CCDC141: variants seen among roughly 807,000 people sequenced by gnomAD.
CCDC141 encodes the protein coiled-coil domain-containing protein 141.
In CCDC141, 168 loss-of-function variants were observed where a neutral mutation model predicts 181.0. The observed-to-expected ratio is 0.93, with a 90% CI of 0.82 to 1.05. The LOEUF (loss-of-function observed/expected upper bound fraction) is 1.05, where lower values mean the gene tolerates loss of function less well. Ranked by LOEUF, CCDC141 falls within the 50% of genes least tolerant of loss-of-function variation. CCDC141 has a pLI of 0.00. For synonymous variants in CCDC141, 666 were observed against 642.3 expected (o/e 1.04, Z -0.56); for missense variants, 1,902 against 1,788.5 (o/e 1.06, Z -1.14).
intron 7 of CCDC141, among the ~76,000 whole-genome samples, chr2:178,909,730 A>G (rs1688139097): frequency 6.6e-6 from 1 of 152,182 alleles, no homozygotes; most frequent in South Asian, 2.1e-4. Flanking sequence ...GATATATCGG[A>G]CCCAGCCTGG....
intron 20 of CCDC141, among the ~76,000 whole-genome samples, chr2:178,850,809 T>A (rs1685131468): frequency 6.6e-6 from 1 of 152,236 alleles, no homozygotes; most frequent in Non-Finnish European, 1.5e-5. Context: ...AGCACATGCT[T>A]ATTATTTGCC....
intron 5 of CCDC141, among the ~76,000 whole-genome samples, chr2:178,956,526 T>C (rs1690169162): frequency 6.6e-6 from 1 of 152,086 alleles, no homozygotes; most frequent in Non-Finnish European, 1.5e-5. Context: ...TGGTCTCGAA[T>C]TCCTGGGCTC....
chr2:179,011,315 T>A (rs538743945), intron 2 of CCDC141, among the ~76,000 whole-genome samples: 1 of 152,180 alleles, frequency 6.6e-6, no homozygotes, highest in Non-Finnish European at 1.5e-5. Flanking sequence ...ATGAGCAGGG[T>A]TAGCTATCAT....
chr2:178,975,081 G>A lies in CCDC141; in HGVS notation c.502C>T (p.Gln168Ter). 6.6e-7 allele frequency: 1 copy of A among 1,518,050 alleles called. No homozygotes were observed. Among genetic ancestry groups the A allele is most frequent in the South Asian group, 1.2e-5 (1 of 81,178 alleles). The allele number at this position is 1,518,050 out of a possible 1,614,324, so 94.0% of individuals were successfully genotyped here. The change falls in exon 4 of 24, where the codon CAG becomes TAG. Residue 168 changes from glutamine to a stop codon, truncating the protein, a stop_gained. Transcript: ENST00000443758. LOFTEE classifies it high-confidence loss of function. ...CCTTTAGTATGATGTTCATGAAGCTGAAGAAGTGATTTTAAGGACTCAGCA... is the reference window on the plus strand; with the variant it reads ...CCTTTAGTATGATGTTCATGAAGCTAAAGAAGTGATTTTAAGGACTCAGCA... ...ESAESLKSLL[Q>*]LHEHHTKELL...
intron 8 of CCDC141, among the ~76,000 whole-genome samples, chr2:178,901,431 G>A (rs531234670): frequency 6.6e-6 from 1 of 152,102 alleles, no homozygotes; most frequent in South Asian, 2.1e-4. Flanking sequence ...CTTCATCCCT[G>A]GGATGCAAGG....
intron 17 of CCDC141, among the ~76,000 whole-genome samples, chr2:178,861,329 G>A (rs1575140702): frequency 6.6e-6 from 1 of 152,044 alleles, no homozygotes; most frequent in African/African-American, 2.4e-5. Context: ...ACCATGCTCG[G>A]CTAATTTTTA....
At chr2:178,897,677 T>C (rs553598752) in intron 8 of CCDC141, among the ~76,000 whole-genome samples, 5 of 152,310 alleles carry the variant, frequency 3.3e-5, no homozygotes, top group African/African-American at 1.2e-4. Flanking sequence ...CAAGTTTATT[T>C]GTCAATTATA....
chr2:179,001,197 G>T (rs1249737558), intron 2 of CCDC141, among the ~76,000 whole-genome samples: 1 of 152,154 alleles, frequency 6.6e-6, no homozygotes, highest in Admixed American at 6.5e-5. Context: ...TTGAAATTTG[G>T]TAGCATATAT....
intron 2 of CCDC141, among the ~76,000 whole-genome samples, chr2:178,984,430 ACAT>A (rs1347882721): frequency 5.9e-5 from 9 of 152,088 alleles, no homozygotes; most frequent in Non-Finnish European, 8.8e-5. Context: ...TCACCAGCTA[ACAT>A]CATAATGACA....
intron 2 of CCDC141, chr2:179,002,641 T>A: frequency 4.7e-6 from 1 of 212,478 alleles, no homozygotes; most frequent in African/African-American, 2.4e-5. Context: ...GCAGAAACAG[T>A]ATACTATAGA....
chr2:178,986,470 A>G (rs1450121603), intron 2 of CCDC141, among the ~76,000 whole-genome samples: 3 of 152,232 alleles, frequency 2.0e-5, no homozygotes, highest in Non-Finnish European at 4.4e-5. Context: ...TGGCCAGGGC[A>G]ATTAGGCAGG....
intron 16 of CCDC141, 26 bp from the exon 17 acceptor site, chr2:178,865,942 G>T: frequency 6.9e-7 from 1 of 1,444,954 alleles, no homozygotes. Context: ...GGTGGTAACA[G>T]AGAGAAAGGA....
chr2:178,901,037 A>G (rs1383732273), intron 8 of CCDC141, among the ~76,000 whole-genome samples: 1 of 152,166 alleles, frequency 6.6e-6, no homozygotes, highest in Non-Finnish European at 1.5e-5. Context: ...TTGAGAAGAC[A>G]GGAACCAGGC....
intron 6 of CCDC141, among the ~76,000 whole-genome samples, chr2:178,928,416 AG>A (rs1688986127): frequency 6.6e-6 from 1 of 152,226 alleles, no homozygotes; most frequent in Admixed American, 6.5e-5. Context: ...TTAAGGTATA[AG>A]AAGTCCTCTC....
At chr2:178,837,849 A>AGG in intron 22 of CCDC141, 105 bp from the exon 23 acceptor site, 1 of 1,091,976 alleles carries the variant, frequency 9.2e-7, no homozygotes, top group Non-Finnish European at 1.2e-6. Context: ...GACAACCTAC[A>AGG]AGGTTAAAAT....
chr2:178,949,808 C>T (rs1017449458), intron 5 of CCDC141, among the ~76,000 whole-genome samples: 4 of 152,290 alleles, frequency 2.6e-5, no homozygotes, highest in Middle Eastern at 3.4e-3. Context: ...GTGCCAAAGA[C>T]AGGACTGAAA....
chr2:178,830,776 G>A lies in CCDC141; in HGVS notation c.*3397C>T, dbSNP rs939824409. 7 of 152,372 alleles carry A rather than the reference G, an allele frequency of 4.6e-5. No individual in the cohort carries two copies. The highest frequency in any genetic ancestry group is 1.7e-4 in the African/African-American group (7 of 41,466). 9.4% of individuals were successfully genotyped at this position (152,372 alleles called of 1,614,324 possible). On this transcript the variant is annotated 3_prime_UTR_variant, in exon 24 of 24. Coordinates refer to ENST00000443758, the MANE Select transcript of CCDC141 (RefSeq NM_173648.4). ...TGATGGGTCAGGAGGCTTCCCAGGG[G>A]AAGTTGTGTCTCAGCAGAACTGGAA...
chr2:178,943,816 C>T (rs968420924), intron 6 of CCDC141, among the ~76,000 whole-genome samples: 4 of 152,094 alleles, frequency 2.6e-5, no homozygotes, highest in Admixed American at 2.6e-4. Context: ...GAGAGAAGGT[C>T]AACCAAAACA....
intron 2 of CCDC141, among the ~76,000 whole-genome samples, chr2:179,002,948 G>C (rs980587522): frequency 2.9e-4 from 44 of 152,052 alleles, no homozygotes; most frequent in African/African-American, 1.0e-3. Flanking sequence ...ACTCAAAATA[G>C]TTATAAAAGC....
Sources: allele counts gnomAD v4.1 joint callset (sites outside exome capture counted in the v4.1 genomes callset), GRCh38; gene constraint gnomAD v4.1.1; transcripts MANE v1.5; gene names NCBI Gene and HGNC (gene_info 2026-07-23, HGNC 2026-07-21).